The following RXFP4 variants were observed in gnomAD, a reference collection of about 807,000 sequenced individuals.
The protein encoded by RXFP4 is relaxin-3 receptor 2.
For synonymous variants in RXFP4, 182 were observed against 218.0 expected, an observed-to-expected ratio of 0.83 and a Z score of 1.45; for missense variants, 425 against 491.3, an observed-to-expected ratio of 0.87 and a Z score of 1.28.
In RXFP4 at chr1:155,942,416, G is replaced by A. The variant is rs755034465; in HGVS notation, c.707G>A (p.Arg236Gln). The change falls in exon 1 of 1, where the codon CGG becomes CAG. Residue 236 changes from arginine (R) to glutamine (Q), a missense_variant. Transcript: ENST00000368318. This position sits in a 1 kb window ranked among gnomAD's most constrained non-coding sequence, Gnocchi z 5.2. ...CTGGCCTTCCTGCAGCGGCGGCAAC[G>A]GCGGCGGCAGGACAGCAGGGTCGTG... ...LLLAFLQRRQRRRQDSRVVAR... is the reference protein window; with the variant it reads ...LLLAFLQRRQQRRQDSRVVAR... The A allele has an allele frequency of 7.4e-5, 115 of 1,554,050 alleles. 1 individual carries two copies. The highest frequency in any genetic ancestry group is 2.4e-4 in the Admixed American group (13 of 53,994).
Position 155,941,726 on chromosome 1 carries a change from C to A in RXFP4, c.17C>A (p.Thr6Asn), listed in dbSNP as rs76232257. ...TGCCCTGCGATGCCCACACTCAATA[C>A]TTCTGCCTCTCCACCCACATTCTTC... Reference protein sequence around the residue: MPTLNTSASPPTFFWA... With the variant: MPTLNNSASPPTFFWA... Residue 6 changes from threonine (T) to asparagine (N), a missense_variant, in exon 1 of 1, where the codon ACT becomes AAT. By Grantham distance (65) the Thr-to-Asn change is moderately conservative. Coordinates refer to ENST00000368318, the MANE Select transcript of RXFP4 (RefSeq NM_181885.3). 4.8e-3 allele frequency: 7,800 copies of A among 1,614,078 alleles called. 109 individuals are homozygous for A. In the East Asian group the frequency reaches 0.055, roughly 11 times the overall value.
chr1:155,942,097 TTCC>T lies in RXFP4; in HGVS notation c.391_393del (p.Leu131del), dbSNP rs1416925142. ...TGTCCTCAACGTCTATGCCAGCATCTTCCTCATCACAGCGCTGAGCGTTGCTCG... is the reference window on the plus strand; with the variant it reads ...TGTCCTCAACGTCTATGCCAGCATCTTCATCACAGCGCTGAGCGTTGCTCG... On this transcript the variant is annotated inframe_deletion, in exon 1 of 1. Coordinates refer to ENST00000368318, the MANE Select transcript of RXFP4 (RefSeq NM_181885.3). This position sits in a 1 kb window ranked among gnomAD's most constrained non-coding sequence, Gnocchi z 5.2. The T allele has an allele frequency of 2.5e-6, 4 of 1,612,370 alleles. No homozygotes were observed. In the African/African-American group the frequency reaches 5.3e-5, roughly 22 times the overall value.
Position 155,942,445 on chromosome 1 carries a change from C to T in RXFP4, c.736C>T (p.Arg246Cys), listed in dbSNP as rs776359823. ...RRRQDSRVVA[R>C]SVRILVASFF... ...GCGGCAGGACAGCAGGGTCGTGGCCCGCTCTGTCCGCATCCTGGTGGCTTC... is the reference window on the plus strand; with the variant it reads ...GCGGCAGGACAGCAGGGTCGTGGCCTGCTCTGTCCGCATCCTGGTGGCTTC... Residue 246 changes from arginine (R) to cysteine (C), a missense_variant, in exon 1 of 1, where the codon CGC becomes TGC. Physicochemically the swap from Arg to Cys is radical, Grantham distance 180 (BLOSUM62 -3). Coordinates refer to ENST00000368318, the MANE Select transcript of RXFP4 (RefSeq NM_181885.3). This position sits in a 1 kb window ranked among gnomAD's most constrained non-coding sequence, Gnocchi z 5.2. 77 of 1,581,930 alleles carry T rather than the reference C, an allele frequency of 4.9e-5. 1 individual carries two copies. In the South Asian group the frequency reaches 6.1e-4, roughly 13 times the overall value.
Position 155,942,185 on chromosome 1 carries a change from G to A in RXFP4, c.476G>A (p.Arg159Gln), listed in dbSNP as rs148682172. Residue 159 changes from arginine (R) to glutamine (Q), a missense_variant, in exon 1 of 1, where the codon CGA becomes CAA. Physicochemically the swap from Arg to Gln is conservative, Grantham distance 43. Transcript: ENST00000368318. The surrounding 1 kb of genome is among the most constrained non-coding windows in gnomAD (Gnocchi z 5.2). Reference sequence around the variant, plus strand: ...ACCCACCTCTCACTCTTCTGGGCCCGAATAGCCACCCTGGCAGTGTGGGCG... The same window carrying A: ...ACCCACCTCTCACTCTTCTGGGCCCAAATAGCCACCCTGGCAGTGTGGGCG... ...PGTHLSLFWA[R>Q]IATLAVWAAA... 6.0e-5 allele frequency: 97 copies of A among 1,614,030 alleles called. No homozygotes were observed. The African/African-American group carries it at 9.6e-4, about 16-fold the overall frequency.
Position 155,941,796 on chromosome 1 carries a change from T to G in RXFP4, c.87T>G (p.Ala29=), listed in dbSNP as rs752559975. Residue 29 remains alanine (A), a synonymous_variant, in exon 1 of 1, where the codon GCT becomes GCG. Transcript: ENST00000368318. ...GCAGTGTGCTGAGTGCTGATGATGC[T>G]CCGATGCCTGTCAAATTCCTAGCCC... ...SGGSVLSADD[A]PMPVKFLALR... is the part of the protein sequence containing the mutation. 6.2e-6 allele frequency: 10 copies of G among 1,614,206 alleles called. No individual in the cohort carries two copies. The highest frequency in any genetic ancestry group is 7.6e-6 in the Non-Finnish European group (9 of 1,180,030).
In RXFP4 at chr1:155,941,808, C is replaced by G. The variant is rs41264989; in HGVS notation, c.99C>G (p.Val33=). The change falls in exon 1 of 1, where the codon GTC becomes GTG. Residue 33 remains valine (V), a synonymous_variant. Transcript: ENST00000368318. ...GTGCTGATGATGCTCCGATGCCTGT[C>G]AAATTCCTAGCCCTGAGGCTCATGG... ...VLSADDAPMP[V]KFLALRLMVA... 2.0e-5 allele frequency: 33 copies of G among 1,614,124 alleles called. No individual in the cohort carries two copies. Among genetic ancestry groups the G allele is most frequent in the Non-Finnish European group, 2.6e-5 (31 of 1,180,046 alleles).
At position 155,942,162 on chromosome 1, in the gene RXFP4, C is replaced by A. The variant is rs1325529835; in HGVS notation, c.453C>A (p.Thr151=). The change falls in exon 1 of 1, where the codon ACC becomes ACA. Residue 151 remains threonine, a synonymous_variant. Transcript: ENST00000368318. This position sits in a 1 kb window ranked among gnomAD's most constrained non-coding sequence, Gnocchi z 5.2. ...TGGCCATGGCTGCGGGGCCAGGCAC[C>A]CACCTCTCACTCTTCTGGGCCCGAA... ...WVVAMAAGPG[T]HLSLFWARIA... The A allele has an allele frequency of 1.2e-6, 2 of 1,613,866 alleles. No individual in the cohort carries two copies. Among genetic ancestry groups the A allele is most frequent in the Non-Finnish European group, 8.5e-7 (1 of 1,180,002 alleles).
In RXFP4 at chr1:155,942,592, A is replaced by T. The variant is rs148508637; in HGVS notation, c.883A>T (p.Thr295Ser). ...CCAGACGTATGTCTTCCCTGTCACTACTTGCTTGGCACACAGCAATAGCTG... is the reference window on the plus strand; with the variant it reads ...CCAGACGTATGTCTTCCCTGTCACTTCTTGCTTGGCACACAGCAATAGCTG... Reference protein sequence around the residue: ...TIQTYVFPVTTCLAHSNSCLN... With the variant: ...TIQTYVFPVTSCLAHSNSCLN... Residue 295 changes from threonine (T) to serine (S), a missense_variant, in exon 1 of 1, where the codon ACT becomes TCT. Transcript: ENST00000368318. This position sits in a 1 kb window ranked among gnomAD's most constrained non-coding sequence, Gnocchi z 5.2. The T allele has an allele frequency of 6.2e-7, 1 of 1,613,978 alleles. No homozygotes were observed. The highest frequency in any genetic ancestry group is 1.3e-5 in the African/African-American group (1 of 74,884).
rs1674344213 is a variant in RXFP4, at chr1:155,942,995, C to T, written c.*161C>T. The T allele has an allele frequency of 3.2e-6, 2 of 625,422 alleles. No homozygotes were observed. Among genetic ancestry groups the T allele is most frequent in the Admixed American group, 6.7e-5 (2 of 30,050 alleles). The allele number at this position is 625,422 out of a possible 1,614,324, so 38.7% of individuals were successfully genotyped here. A position where few individuals can be genotyped will look rare whatever the true frequency, so the allele number is the denominator to read the frequency against. On this transcript the variant is annotated 3_prime_UTR_variant, in exon 1 of 1. Transcript: ENST00000368318. The surrounding 1 kb of genome is among the most constrained non-coding windows in gnomAD (Gnocchi z 5.2). ...GTGTGGTGAATGGGGGAGGCGGGGGCTCAGATCAGAGCTGGATGTGACAAA... is the reference window on the plus strand; with the variant it reads ...GTGTGGTGAATGGGGGAGGCGGGGGTTCAGATCAGAGCTGGATGTGACAAA...
In RXFP4 at chr1:155,942,647, G is replaced by A. The variant is rs747608815; in HGVS notation, c.938G>A (p.Arg313Lys). 2.6e-5 allele frequency: 42 copies of A among 1,613,956 alleles called. No individual in the cohort carries two copies. In the Admixed American group the frequency reaches 6.7e-4, roughly 26 times the overall value. The change falls in exon 1 of 1, where the codon AGG (arginine) becomes AAG (lysine). Residue 313 changes from arginine (R) to lysine (K), a missense_variant. Physicochemically the swap from Arg to Lys is conservative, Grantham distance 26 (BLOSUM62 2). Coordinates refer to ENST00000368318, the MANE Select transcript of RXFP4 (RefSeq NM_181885.3). This position sits in a 1 kb window ranked among gnomAD's most constrained non-coding sequence, Gnocchi z 5.2. ...AACCCTGTGCTGTACTGTCTCCTGAGGCGGGAGCCCCGGCAGGCTCTGGCA... is the reference window on the plus strand; with the variant it reads ...AACCCTGTGCTGTACTGTCTCCTGAAGCGGGAGCCCCGGCAGGCTCTGGCA... ...CLNPVLYCLL[R>K]REPRQALAGT...
chr1:155,941,671 A>G lies in RXFP4; in HGVS notation c.-39A>G. 1 of 1,593,260 alleles carries G rather than the reference A, an allele frequency of 6.3e-7. No homozygotes were observed. ...CTGCCAGTCTGGCAGACACTTGCAG[A>G]CCTCTCTTCTCAGCACCACCAATCT... is the stretch of plus-strand genomic sequence containing the variant. On this transcript the variant is annotated 5_prime_UTR_variant, in exon 1 of 1. Transcript: ENST00000368318.
At position 155,942,317 on chromosome 1, in the gene RXFP4, C is replaced by T. The variant is rs1005036062; in HGVS notation, c.608C>T (p.Ala203Val). 1.9e-6 allele frequency: 3 copies of T among 1,579,540 alleles called. No homozygotes were observed. Among genetic ancestry groups the T allele is most frequent in the Admixed American group, 3.5e-5 (2 of 57,508 alleles). The part of the protein sequence containing the change: ...LRFPSRYWLG[A>V]YQLQRVVLAF... ...TTCCCCAGCAGGTACTGGCTGGGGG[C>T]CTACCAGCTGCAGAGGGTGGTGCTG... Residue 203 changes from alanine to valine, a missense_variant, in exon 1 of 1, where the codon GCC becomes GTC. Ala to Val is a moderately conservative substitution (Grantham distance 64, BLOSUM62 0). Transcript: ENST00000368318. This position sits in a 1 kb window ranked among gnomAD's most constrained non-coding sequence, Gnocchi z 5.2.
At position 155,942,197 on chromosome 1, in the gene RXFP4, T is replaced by TGTG; in HGVS notation, c.489_490insTGG (p.Leu163_Ala164insTrp). 6.2e-7 allele frequency: 1 copy of TGTG among 1,614,000 alleles called. No individual in the cohort carries two copies. Among genetic ancestry groups the TGTG allele is most frequent in the Non-Finnish European group, 8.5e-7 (1 of 1,180,022 alleles). On this transcript the variant is annotated inframe_insertion, in exon 1 of 1. Transcript: ENST00000368318. The surrounding 1 kb of genome is among the most constrained non-coding windows in gnomAD (Gnocchi z 5.2). The stretch of plus-strand genomic sequence containing the variant: ...CTCTTCTGGGCCCGAATAGCCACCC[T>TGTG]GGCAGTGTGGGCGGCGGCTGCCCTG...
Position 155,942,460 on chromosome 1 carries a change from C to A in RXFP4, c.751C>A (p.Leu251Met). ...SRVVARSVRI[L>M]VASFFLCWFP... ...GGTCGTGGCCCGCTCTGTCCGCATCCTGGTGGCTTCCTTCTTCCTCTGCTG... is the reference window on the plus strand; with the variant it reads ...GGTCGTGGCCCGCTCTGTCCGCATCATGGTGGCTTCCTTCTTCCTCTGCTG... The change falls in exon 1 of 1, where the codon CTG becomes ATG. Residue 251 changes from leucine to methionine, a missense_variant. Coordinates refer to ENST00000368318, the MANE Select transcript of RXFP4 (RefSeq NM_181885.3). The surrounding 1 kb of genome is among the most constrained non-coding windows in gnomAD (Gnocchi z 5.2). 1 of 1,596,148 alleles carries A rather than the reference C, an allele frequency of 6.3e-7. No individual in the cohort carries two copies. Among genetic ancestry groups the A allele is most frequent in the Non-Finnish European group, 8.5e-7 (1 of 1,169,710 alleles).
In RXFP4 at chr1:155,942,319, T is replaced by TACC. The variant is rs747600169; in HGVS notation, c.612_614dup (p.Tyr204_Gln205insHis). The stretch of plus-strand genomic sequence containing the variant: ...CCCCAGCAGGTACTGGCTGGGGGCC[T>TACC]ACCAGCTGCAGAGGGTGGTGCTGGC... On this transcript the variant is annotated inframe_insertion, in exon 1 of 1. Transcript: ENST00000368318. This position sits in a 1 kb window ranked among gnomAD's most constrained non-coding sequence, Gnocchi z 5.2. 1.9e-6 allele frequency: 3 copies of TACC among 1,578,518 alleles called. No individual in the cohort carries two copies. The highest frequency in any genetic ancestry group is 1.7e-6 in the Non-Finnish European group (2 of 1,158,540).
chr1:155,941,830 A>T lies in RXFP4; in HGVS notation c.121A>T (p.Met41Leu). Residue 41 changes from methionine to leucine, a missense_variant, in exon 1 of 1, where the codon ATG becomes TTG. Coordinates refer to ENST00000368318, the MANE Select transcript of RXFP4 (RefSeq NM_181885.3). Reference protein sequence around the residue: ...MPVKFLALRLMVALAYGLVGA... With the variant: ...MPVKFLALRLLVALAYGLVGA... The stretch of plus-strand genomic sequence containing the variant: ...TGTCAAATTCCTAGCCCTGAGGCTC[A>T]TGGTTGCCCTGGCCTATGGGCTTGT... 1.2e-6 allele frequency: 2 copies of T among 1,614,210 alleles called. No homozygotes were observed. The highest frequency in any genetic ancestry group is 1.7e-6 in the Non-Finnish European group (2 of 1,180,012).
Position 155,942,829 on chromosome 1 carries a change from G to A in RXFP4, c.1120G>A (p.Gly374Arg), listed in dbSNP as rs745665167. 1.3e-5 allele frequency: 20 copies of A among 1,507,690 alleles called. No individual in the cohort carries two copies. Among genetic ancestry groups the A allele is most frequent in the East Asian group, 1.1e-4 (5 of 43,926 alleles). The allele number at this position is 1,507,690 out of a possible 1,614,324, so 93.4% of individuals were successfully genotyped here. A position where few individuals can be genotyped will look rare whatever the true frequency, so the allele number is the denominator to read the frequency against. ...LLTNLDRGTP[G>R] ...CACCAACCTGGACAGAGGGACACCCGGGTGAAGGGCGCAAGCTGAACACAC... is the reference window on the plus strand; with the variant it reads ...CACCAACCTGGACAGAGGGACACCCAGGTGAAGGGCGCAAGCTGAACACAC... The change falls in exon 1 of 1, where the codon GGG becomes AGG. Residue 374 changes from glycine (G) to arginine (R), a missense_variant. By Grantham distance (125) the Gly-to-Arg change is moderately radical. Coordinates refer to ENST00000368318, the MANE Select transcript of RXFP4 (RefSeq NM_181885.3). This position sits in a 1 kb window ranked among gnomAD's most constrained non-coding sequence, Gnocchi z 5.2.
chr1:155,942,256 G>A lies in RXFP4; in HGVS notation c.547G>A (p.Gly183Ser), dbSNP rs1205025987. The A allele has an allele frequency of 1.2e-5, 20 of 1,613,144 alleles. No homozygotes were observed. The highest frequency in any genetic ancestry group is 2.7e-5 in the African/African-American group (2 of 74,936). The stretch of plus-strand genomic sequence containing the variant: ...GCCCACAGCTGTCTTCGGGGTGGAG[G>A]GTGAGGTGTGTGGTGTGCGCCTTTG... ...TVPTAVFGVE[G>S]EVCGVRLCLL... Residue 183 changes from glycine (G) to serine (S), a missense_variant, in exon 1 of 1, where the codon GGT (glycine) becomes AGT (serine). Gly to Ser is a moderately conservative substitution (Grantham distance 56). Transcript: ENST00000368318. This position sits in a 1 kb window ranked among gnomAD's most constrained non-coding sequence, Gnocchi z 5.2.
Position 155,942,114 on chromosome 1 carries a change from G to A in RXFP4, c.405G>A (p.Leu135=), listed in dbSNP as rs757804806. The change falls in exon 1 of 1, where the codon CTG becomes CTA. Residue 135 remains leucine, a synonymous_variant. Transcript: ENST00000368318. This position sits in a 1 kb window ranked among gnomAD's most constrained non-coding sequence, Gnocchi z 5.2. ...CCAGCATCTTCCTCATCACAGCGCT[G>A]AGCGTTGCTCGCTACTGGGTGGTGG... The part of the protein sequence containing the change: ...VYASIFLITA[L]SVARYWVVAM... The A allele has an allele frequency of 1.4e-5, 22 of 1,613,088 alleles. 1 individual carries two copies. The highest frequency in any genetic ancestry group is 6.6e-5 in the South Asian group (6 of 91,058).
Sources: gnomAD v4.1 joint callset for allele counts on GRCh38, gnomAD v4.1.1 for gene constraint, Gnocchi (gnomAD v3.1) non-coding constraint, MANE v1.5 for transcripts, NCBI Gene and HGNC (gene_info 2026-07-23, HGNC 2026-07-21) for gene names.